The following RGS7 variants were observed in gnomAD, a reference collection of about 807,000 sequenced individuals.
RGS7 encodes the protein regulator of G protein signaling 7, also known as regulator of G-protein signaling 7.
A neutral mutation model predicts 81.1 loss-of-function variants in RGS7; 27 were observed. The ratio of observed to expected loss-of-function variants is 0.33; its 90% confidence interval spans 0.25 to 0.46. The LOEUF is 0.46. Ranked by LOEUF, RGS7 falls within the 20% of genes least tolerant of loss-of-function variation. RGS7 has a pLI of 1.00. For missense variants in RGS7, 396 were observed against 607.4 expected, an observed-to-expected ratio of 0.65 and a Z score of 3.66; for synonymous variants, 208 against 207.7, an observed-to-expected ratio of 1.00 and a Z score of -0.01.
At chr1:241,035,605 A>G (rs541682616) in intron 3 of RGS7, among the ~76,000 whole-genome samples, 14 of 152,258 alleles carry the variant, frequency 9.2e-5, no homozygotes, top group African/African-American at 3.1e-4. Context: ...TTGATCACCA[A>G]TACTGCCATT....
At chr1:241,220,950 CAAGGAAGGAAGGAAGG>C (rs751386119) in intron 2 of RGS7, among the ~76,000 whole-genome samples, 15 of 54,316 alleles carry the variant, frequency 2.8e-4, no homozygotes, top group South Asian at 6.1e-4. Context: ...AAGGAAGAAG[CAAGGAAGGAAGGAAGG>C]AAGGAAGGAA....
chr1:241,084,708 G>A (rs2063329597), intron 3 of RGS7, among the ~76,000 whole-genome samples: 1 of 152,196 alleles, frequency 6.6e-6, no homozygotes, highest in South Asian at 2.1e-4. Context: ...AGGACTAGAA[G>A]TCAAATTTCA....
intron 2 of RGS7, among the ~76,000 whole-genome samples, chr1:241,303,654 CTGTTTGATA>C (rs897602391): frequency 4.6e-5 from 7 of 152,210 alleles, no homozygotes; most frequent in Non-Finnish European, 1.0e-4. Flanking sequence ...TACTCTGTGA[CTGTTTGATA>C]TCCCTTAAAT....
chr1:240,817,058 T>A (rs984106089), intron 10 of RGS7, among the ~76,000 whole-genome samples: 1 of 152,174 alleles, frequency 6.6e-6, no homozygotes, highest in Admixed American at 6.5e-5. Context: ...ATTTTTTAAT[T>A]AACTTGTCAA....
chr1:241,177,791 A>T (rs2071269366), intron 2 of RGS7, among the ~76,000 whole-genome samples: 1 of 152,218 alleles, frequency 6.6e-6, no homozygotes, highest in Non-Finnish European at 1.5e-5. Flanking sequence ...GGAGAAAGAG[A>T]GAGTGATTAA....
At chr1:241,305,543 T>A (rs2080041619) in intron 2 of RGS7, 1 of 152,110 alleles carries the variant, frequency 6.6e-6, no homozygotes, top group Non-Finnish European at 1.5e-5. Flanking sequence ...TTTTTTTTTT[T>A]TCTGCAAAGG....
At chr1:240,932,471 G>C (rs1431073358) in intron 5 of RGS7, among the ~76,000 whole-genome samples, 1 of 150,460 alleles carries the variant, frequency 6.6e-6, no homozygotes, top group Non-Finnish European at 1.5e-5. Flanking sequence ...ATAGCCCTAG[G>C]GGGACAAAGT....
At chr1:240,999,170 T>C (rs937130985) in intron 3 of RGS7, among the ~76,000 whole-genome samples, 1 of 152,006 alleles carries the variant, frequency 6.6e-6, no homozygotes, top group African/African-American at 2.4e-5. Flanking sequence ...TTATAACTTC[T>C]ATTTCTTTGC....
At position 241,203,217 on chromosome 1, in the gene RGS7, C is replaced by T. The variant is rs187616683; in HGVS notation, c.79-104455G>A. ...CATTTTTTGGCTGCCACGAGACTTA[C>T]CTTGAGTTCTGCTTCTTTTTTTATT... On this transcript the variant is annotated intron_variant, in intron 2 of 18. Transcript: ENST00000440928. Among the ~76,000 whole-genome samples the T allele has an allele frequency of 1.9e-3, 285 of 152,100 alleles. 2 individuals are homozygous for T. Among genetic ancestry groups the T allele is most frequent in the African/African-American group, 6.7e-3 (279 of 41,510 alleles).
chr1:240,885,976 A>G (rs999216029), intron 6 of RGS7, among the ~76,000 whole-genome samples: 2 of 152,182 alleles, frequency 1.3e-5, no homozygotes, highest in African/African-American at 4.8e-5. Flanking sequence ...TCCTAACTTC[A>G]TTCTTTCATA....
At chr1:240,881,951 G>A (rs1338760783) in intron 6 of RGS7, among the ~76,000 whole-genome samples, 1 of 149,402 alleles carries the variant, frequency 6.7e-6, no homozygotes, top group East Asian at 2.0e-4. Context: ...GTCTTGCTCT[G>A]TCACCCAGGC....
At chr1:241,294,096 A>T (rs1248645269) in intron 2 of RGS7, among the ~76,000 whole-genome samples, 1 of 152,202 alleles carries the variant, frequency 6.6e-6, no homozygotes, top group African/African-American at 2.4e-5. Context: ...CACACCATGG[A>T]ATACTATGCA....
intron 3 of RGS7, among the ~76,000 whole-genome samples, chr1:241,086,136 T>A (rs2459944): frequency 0.2 from 30,348 of 152,108 alleles, 3,593 homozygotes; most frequent in African/African-American, 0.31. Context: ...GTTTCAAATA[T>A]GTGTGTGAAT....
intron 3 of RGS7, among the ~76,000 whole-genome samples, chr1:241,089,994 A>AAAC (rs1491148253): frequency 2.1e-5 from 1 of 46,578 alleles, no homozygotes; most frequent in East Asian, 2.5e-4. Flanking sequence ...ACTCCATCTC[A>AAAC]AAAAAAAAAA....
chr1:241,011,816 A>G (rs1348084822), intron 3 of RGS7, among the ~76,000 whole-genome samples: 1 of 152,196 alleles, frequency 6.6e-6, no homozygotes, highest in East Asian at 1.9e-4. Flanking sequence ...ATCCTATATC[A>G]CAAACCCATG....
At chr1:241,135,972 A>C (rs964119425) in intron 2 of RGS7, among the ~76,000 whole-genome samples, 2 of 152,072 alleles carry the variant, frequency 1.3e-5, no homozygotes, top group Non-Finnish European at 2.9e-5. Context: ...AAAAAAAAAA[A>C]AAAACTAGTT....
At chr1:241,249,745 T>C (rs1354878054) in intron 2 of RGS7, among the ~76,000 whole-genome samples, 4 of 152,146 alleles carry the variant, frequency 2.6e-5, no homozygotes, top group Non-Finnish European at 4.4e-5. Flanking sequence ...TCTTAGAAAC[T>C]CTTGGACAAG....
intron 2 of RGS7, among the ~76,000 whole-genome samples, chr1:241,142,505 A>G (rs958715948): frequency 6.6e-6 from 1 of 152,212 alleles, no homozygotes; most frequent in African/African-American, 2.4e-5. Context: ...CACCATGTGG[A>G]AGCTGCCAAA....
chr1:240,796,113 G>A (rs1687026930), intron 18 of RGS7, among the ~76,000 whole-genome samples: 1 of 152,072 alleles, frequency 6.6e-6, no homozygotes, highest in Non-Finnish European at 1.5e-5. Context: ...AATTCACATG[G>A]CTAGAATATA....
Sources: allele counts gnomAD v4.1 joint callset (sites outside exome capture counted in the v4.1 genomes callset), GRCh38; gene constraint gnomAD v4.1.1; transcripts MANE v1.5; gene names NCBI Gene and HGNC (gene_info 2026-07-23, HGNC 2026-07-21).